The following TEX11 variants were observed in gnomAD, a reference collection of about 807,000 sequenced individuals.
The protein encoded by TEX11 is testis expressed 11, also known as testis-expressed protein 11.
Under a neutral mutation model 84.4 loss-of-function variants are expected in TEX11, and 7 were observed. The ratio of observed to expected loss-of-function variants is 0.08; its 90% CI spans 0.05 to 0.16. TEX11 has a LOEUF of 0.16. Ranked by LOEUF, TEX11 falls within the 10% of genes least tolerant of loss-of-function variation. The pLI is 1.00. For missense variants in TEX11, 551 were observed against 660.5 expected (o/e 0.83, Z 1.82); for synonymous variants, 264 against 222.8 (o/e 1.18, Z -1.64).
chrX:70,806,069 A>G (rs1213244149), intron 9 of TEX11, among the ~76,000 whole-genome samples: 1 of 112,217 alleles, frequency 8.9e-6, no homozygotes, highest in African/African-American at 3.2e-5. Flanking sequence ...CCAGACAACA[A>G]TAAGTATCAA....
At chrX:70,686,234 A>G (rs924774306) in intron 13 of TEX11, among the ~76,000 whole-genome samples, 18 of 112,172 alleles carry the variant, frequency 1.6e-4, no homozygotes, top group Non-Finnish European at 1.5e-4. Flanking sequence ...AGATATATGC[A>G]CACGTATGTT....
intron 2 of TEX11, among the ~76,000 whole-genome samples, chrX:70,891,990 C>A (rs188324500): frequency 4.3e-4 from 48 of 111,482 alleles, no homozygotes; most frequent in African/African-American, 1.6e-3. Flanking sequence ...AGAGAAAGAT[C>A]AGGTTACCCA....
rs1169164404 is a variant in TEX11 at position 70,682,706 on chromosome X, A to G, written c.1124T>C (p.Leu375Pro). ...GATTTCTTCAATCTTCTCCTTGGCA[A>G]GAAGTTCTTCCTTCCTTTGTAAAAG... ...DMLLQRKEEL[L>P]AKEKIEEIFL... Residue 375 changes from leucine (L) to proline (P), a missense_variant, in exon 14 of 30, where the codon CTT becomes CCT. Coordinates refer to ENST00000374333, the MANE Select transcript of TEX11 (RefSeq NM_031276.3). 6 of 1,208,574 alleles carry G rather than the reference A, an allele frequency of 5.0e-6. No individual in the cohort carries two copies. Among genetic ancestry groups the G allele is most frequent in the Non-Finnish European group, 6.7e-6 (6 of 894,755 alleles).
intron 20 of TEX11, among the ~76,000 whole-genome samples, chrX:70,611,212 G>A (rs1362060189): frequency 8.9e-6 from 1 of 112,302 alleles, no homozygotes; most frequent in Non-Finnish European, 1.9e-5. Context: ...GAAGTTGCCA[G>A]TTTCTCCTAA....
At chrX:70,847,468 G>A (rs2091485886) in intron 7 of TEX11, among the ~76,000 whole-genome samples, 1 of 111,033 alleles carries the variant, frequency 9.0e-6, no homozygotes, top group South Asian at 3.8e-4. Context: ...CTCTCTTCTC[G>A]TGAATGACCC....
intron 9 of TEX11, among the ~76,000 whole-genome samples, chrX:70,760,964 C>G (rs1317744059): frequency 1.4e-4 from 16 of 112,225 alleles, no homozygotes; most frequent in African/African-American, 4.5e-4. Flanking sequence ...TGAACAGACA[C>G]TTCTCAAAAG....
At chrX:70,817,224 TAC>T (rs1332642150) in intron 8 of TEX11, among the ~76,000 whole-genome samples, 1 of 80,969 alleles carries the variant, frequency 1.2e-5, no homozygotes, top group East Asian at 4.2e-4. Flanking sequence ...TATATACACA[TAC>T]ACATACACAC....
At chrX:70,877,561 G>A (rs1460868533) in intron 3 of TEX11, among the ~76,000 whole-genome samples, 1 of 111,681 alleles carries the variant, frequency 9.0e-6, no homozygotes, top group Non-Finnish European at 1.9e-5. Context: ...GCAGGGACTT[G>A]AACAGAAATT....
intron 25 of TEX11, among the ~76,000 whole-genome samples, chrX:70,575,876 C>T (rs182106746): frequency 1.8e-5 from 2 of 111,693 alleles, no homozygotes; most frequent in East Asian, 5.6e-4. Context: ...TCAAATATCA[C>T]CTTTTGGAAT....
At chrX:70,629,571 A>G in intron 18 of TEX11, 40 bp downstream of exon 18, 1 of 1,189,085 alleles carries the variant, frequency 8.4e-7, no homozygotes, top group Non-Finnish European at 1.1e-6. Flanking sequence ...TCAAAAAGGA[A>G]AAGGGATAAA....
chrX:70,518,229 A>G, the TEX11 span, among the ~76,000 whole-genome samples: 1 of 111,585 alleles, frequency 9.0e-6, no homozygotes, highest in Non-Finnish European at 1.9e-5. Context: ...TGTCAATTTT[A>G]GATCTTTCCT....
chrX:70,795,645 A>C (rs907267949), intron 9 of TEX11, among the ~76,000 whole-genome samples: 3 of 110,401 alleles, frequency 2.7e-5, no homozygotes, highest in Non-Finnish European at 3.8e-5. Flanking sequence ...AGAAAAACAG[A>C]CTCCATTTGT....
intron 25 of TEX11, among the ~76,000 whole-genome samples, chrX:70,567,082 G>T (rs1381248818): frequency 5.4e-5 from 6 of 111,194 alleles, no homozygotes; most frequent in Non-Finnish European, 9.4e-5. Flanking sequence ...CAATTTCAGA[G>T]CCTGTTATTG....
chrX:70,637,464 G>A (rs753058226), intron 17 of TEX11, among the ~76,000 whole-genome samples: 8 of 112,364 alleles, frequency 7.1e-5, no homozygotes, highest in Admixed American at 3.8e-4. Context: ...TAATGCACAC[G>A]TATGTTCATT....
chrX:70,702,538 T>C (rs2090334951), intron 13 of TEX11, among the ~76,000 whole-genome samples: 1 of 112,165 alleles, frequency 8.9e-6, no homozygotes, highest in African/African-American at 3.2e-5. Flanking sequence ...TGCAGTGTTC[T>C]GGAACCAAAT....
intron 18 of TEX11, among the ~76,000 whole-genome samples, chrX:70,626,164 G>GA (rs1008089878): frequency 1.8e-5 from 2 of 111,353 alleles, no homozygotes; most frequent in Non-Finnish European, 3.8e-5. Flanking sequence ...TCATTCACTA[G>GA]ACTCTGTCAT....
chrX:70,586,585 CT>C (rs2088856104), intron 25 of TEX11, among the ~76,000 whole-genome samples: 1 of 111,928 alleles, frequency 8.9e-6, no homozygotes, highest in Non-Finnish European at 1.9e-5. Context: ...TGCTCAACAT[CT>C]TTAGTCATCA....
intron 11 of TEX11, among the ~76,000 whole-genome samples, chrX:70,728,474 G>C (rs138883480): frequency 1.8e-5 from 2 of 112,925 alleles, no homozygotes; most frequent in Non-Finnish European, 3.7e-5. Context: ...ATAATACTGC[G>C]CACTTCCAAC....
intron 25 of TEX11, among the ~76,000 whole-genome samples, chrX:70,585,396 G>C: frequency 8.9e-6 from 1 of 112,298 alleles, no homozygotes; most frequent in Middle Eastern, 4.6e-3. Flanking sequence ...TACATTTATG[G>C]ATTGGAAGAC....
Sources: gnomAD v4.1 joint callset for allele counts (sites outside exome capture counted in the v4.1 genomes callset) on GRCh38, gnomAD v4.1.1 for gene constraint, MANE v1.5 for transcripts, NCBI Gene and HGNC (gene_info 2026-07-23, HGNC 2026-07-21) for gene names.